The following LILRA2 variants were observed in gnomAD, a reference collection of about 807,000 sequenced individuals.
The protein encoded by LILRA2 is leukocyte immunoglobulin-like receptor subfamily A member 2.
LILRA2 carries 45 observed loss-of-function variants against 47.9 expected under a neutral mutation model. The observed-to-expected ratio is 0.94, with a 90% CI of 0.74 to 1.20. The LOEUF is 1.20. Among genes scored for constraint, LILRA2 ranks in the 50% most tolerant of loss-of-function variants. The pLI is 0.00. For missense variants in LILRA2, 651 were observed against 598.2 expected (o/e 1.09, Z -0.92); for synonymous variants, 279 against 249.2 (o/e 1.12, Z -1.13).
Position 54,587,518 on chromosome 19 carries a change from C to T in LILRA2, c.*172C>T. On this transcript the variant is annotated 3_prime_UTR_variant, in exon 8 of 8. Coordinates refer to ENST00000391738, the MANE Select transcript of LILRA2 (RefSeq NM_001130917.3). ...TGTAAGGAAACTGTCTGGGGTGATT[C>T]CTAGAAGATCATTAAACTGTGGTAC... 1.8e-6 allele frequency: 2 copies of T among 1,091,796 alleles called. No homozygotes were observed. Among genetic ancestry groups the T allele is most frequent in the East Asian group, 5.2e-5 (2 of 38,304 alleles). The allele number at this position is 1,091,796 out of a possible 1,614,324, so 67.6% of individuals were successfully genotyped here.
intron 6 of LILRA2, among the ~76,000 whole-genome samples, chr19:54,584,570 T>C (rs2062741647): frequency 6.6e-6 from 1 of 152,326 alleles, no homozygotes; most frequent in East Asian, 1.9e-4. Flanking sequence ...GAATCAGCTA[T>C]TGAAGCTTGT....
Position 54,587,531 on chromosome 19 carries a change from T to C in LILRA2, c.*185T>C. 1 of 1,013,808 alleles carries C rather than the reference T, an allele frequency of 9.9e-7. No individual in the cohort carries two copies. Among genetic ancestry groups the C allele is most frequent in the Non-Finnish European group, 1.4e-6 (1 of 715,444 alleles). 62.8% of individuals were successfully genotyped at this position (1,013,808 alleles called of 1,614,324 possible). Reference sequence around the variant, plus strand: ...TCTGGGGTGATTCCTAGAAGATCATTAAACTGTGGTACATTTTTTTGTCTA... The same window carrying C: ...TCTGGGGTGATTCCTAGAAGATCATCAAACTGTGGTACATTTTTTTGTCTA... On this transcript the variant is annotated 3_prime_UTR_variant, in exon 8 of 8. Transcript: ENST00000391738.
Position 54,587,278 on chromosome 19 carries a change from G to A in LILRA2, c.1384G>A (p.Val462Ile), listed in dbSNP as rs1385853064. ...GGGTGTGGCTGGCTTGGTCCTGGTG[G>A]TCCTCGGGATTCTGCTATTTGAGGC... Reference protein sequence around the residue: ...RMGVAGLVLVVLGILLFEAQH... With the variant: ...RMGVAGLVLVILGILLFEAQH... The change falls in exon 8 of 8, where the codon GTC (valine) becomes ATC (isoleucine). Residue 462 changes from valine (V) to isoleucine (I), a missense_variant. Coordinates refer to ENST00000391738, the MANE Select transcript of LILRA2 (RefSeq NM_001130917.3). 7 of 1,614,010 alleles carry A rather than the reference G, an allele frequency of 4.3e-6. No homozygotes were observed. The highest frequency in any genetic ancestry group is 2.2e-5 in the South Asian group (2 of 91,084).
Position 54,574,893 on chromosome 19 carries a change from C to A in LILRA2, c.515C>A (p.Ala172Asp). The change falls in exon 4 of 8, where the codon GCC (alanine) becomes GAC (aspartate). Residue 172 changes from alanine (A) to aspartate (D), a missense_variant. Transcript: ENST00000391738. Reference protein sequence around the residue: ...HPQRLNSHSHARGWSWAIFSV... With the variant: ...HPQRLNSHSHDRGWSWAIFSV... ...CAACGCCTGAACTCCCATTCCCATG[C>A]CCGTGGGTGGTCCTGGGCCATCTTC... The A allele has an allele frequency of 6.2e-7, 1 of 1,608,916 alleles. No individual in the cohort carries two copies.
chr19:54,587,339 G>T lies in LILRA2; in HGVS notation c.1445G>T (p.Gly482Val). The T allele has an allele frequency of 6.2e-7, 1 of 1,614,166 alleles. No homozygotes were observed. The highest frequency in any genetic ancestry group is 1.1e-5 in the South Asian group (1 of 91,086). Residue 482 changes from glycine (G) to valine (V), a missense_variant, in exon 8 of 8, where the codon GGG becomes GTG. Coordinates refer to ENST00000391738, the MANE Select transcript of LILRA2 (RefSeq NM_001130917.3). Reference sequence around the variant, plus strand: ...CAGAGAAGCCTACAAGATGCAGCCGGGAGGTGAACAGCAGAGAGGACAATG... The same window carrying T: ...CAGAGAAGCCTACAAGATGCAGCCGTGAGGTGAACAGCAGAGAGGACAATG... ...HSQRSLQDAA[G>V]R
intron 5 of LILRA2, 28 bp from the exon 6 acceptor site, chr19:54,575,779 G>A (rs774961494): frequency 3.1e-6 from 5 of 1,611,750 alleles, no homozygotes; most frequent in South Asian, 1.1e-5. Flanking sequence ...AGGTGGGGCA[G>A]CCCCTCACCC....
chr19:54,587,505 G>A lies in LILRA2; in HGVS notation c.*159G>A. ...ATCAATATTTGAGTGTAAGGAAACTGTCTGGGGTGATTCCTAGAAGATCAT... is the reference window on the plus strand; with the variant it reads ...ATCAATATTTGAGTGTAAGGAAACTATCTGGGGTGATTCCTAGAAGATCAT... On this transcript the variant is annotated 3_prime_UTR_variant, in exon 8 of 8. Transcript: ENST00000391738. The A allele has an allele frequency of 8.4e-7, 1 of 1,188,846 alleles. No homozygotes were observed. Among genetic ancestry groups the A allele is most frequent in the South Asian group, 1.6e-5 (1 of 62,118 alleles). The allele number at this position is 1,188,846 out of a possible 1,614,324, so 73.6% of individuals were successfully genotyped here. A position where few individuals can be genotyped will look rare whatever the true frequency, so the allele number is the denominator to read the frequency against.
Position 54,574,352 on chromosome 19 carries a change from A to G in LILRA2, c.122A>G (p.Gln41Arg). The G allele has an allele frequency of 6.2e-7, 1 of 1,613,988 alleles. No individual in the cohort carries two copies. Among genetic ancestry groups the G allele is most frequent in the Non-Finnish European group, 8.5e-7 (1 of 1,179,982 alleles). Residue 41 changes from glutamine (Q) to arginine (R), a missense_variant, in exon 3 of 8, where the codon CAG (glutamine) becomes CGG (arginine). Transcript: ENST00000391738. Reference protein sequence around the residue: ...LWAEPGSVIIQGSPVTLRCQG... With the variant: ...LWAEPGSVIIRGSPVTLRCQG... ...GCTGAGCCAGGCTCTGTGATCATCC[A>G]GGGAAGTCCTGTGACCCTCAGGTGT... is the stretch of plus-strand genomic sequence containing the variant.
chr19:54,574,004 C>A lies in LILRA2; in HGVS notation c.35-72C>A, dbSNP rs2062247230. The A allele has an allele frequency of 1.9e-6, 3 of 1,613,422 alleles. No individual in the cohort carries two copies. The South Asian group carries it at 3.3e-5, about 18-fold the overall frequency. On this transcript the variant is annotated intron_variant, in intron 1 of 7. Coordinates refer to ENST00000391738, the MANE Select transcript of LILRA2 (RefSeq NM_001130917.3). ...TCCCTAAGGAGACCCCAGGGGCTCA[C>A]AAAGATCCCAGGGAGGGGAGGACCT...
chr19:54,575,974 C>G lies in LILRA2; in HGVS notation c.1120C>G (p.Gln374Glu). The change falls in exon 6 of 8, where the codon CAG becomes GAG. Residue 374 changes from glutamine (Q) to glutamate (E), a missense_variant. Physicochemically the swap from Gln to Glu is conservative, Grantham distance 29. Coordinates refer to ENST00000391738, the MANE Select transcript of LILRA2 (RefSeq NM_001130917.3). ...GCATCTGAGATCAGAGCACCAAGCT[C>G]AGCAGAACCAGGCTGAATTCCGCAT... is the stretch of plus-strand genomic sequence containing the variant. The part of the protein sequence containing the change: ...PLHLRSEHQA[Q>E]QNQAEFRMGP... The G allele has an allele frequency of 1.2e-6, 2 of 1,614,004 alleles. No individual in the cohort carries two copies. Among genetic ancestry groups the G allele is most frequent in the South Asian group, 1.1e-5 (1 of 91,078 alleles).
At chr19:54,576,234 C>T in intron 6 of LILRA2, 125 bp downstream of exon 6, 1 of 1,208,878 alleles carries the variant, frequency 8.3e-7, no homozygotes, top group South Asian at 1.4e-5. Context: ...GAGGGTCCAG[C>T]CCATGGGAGA....
At chr19:54,575,680 G>A in intron 5 of LILRA2, 127 bp from the exon 6 acceptor site, 3 of 865,376 alleles carry the variant, frequency 3.5e-6, no homozygotes, top group Non-Finnish European at 3.4e-6. Context: ...AGAGACAGGG[G>A]ATGGGCGGGG....
At chr19:54,579,079 T>G (rs1013647196) in intron 6 of LILRA2, among the ~76,000 whole-genome samples, 1 of 152,174 alleles carries the variant, frequency 6.6e-6, no homozygotes, top group African/African-American at 2.4e-5. Context: ...TTCACTCTCA[T>G]GATAGTTTCT....
At position 54,574,380 on chromosome 19, in the gene LILRA2, G is replaced by A. The variant is rs541075305; in HGVS notation, c.150G>A (p.Gln50=). ...GAAGTCCTGTGACCCTCAGGTGTCA[G>A]GGGAGCCTTCAGGCTGAGGAGTACC... ...IQGSPVTLRC[Q]GSLQAEEYHL... The change falls in exon 3 of 8, where the codon CAG becomes CAA. Residue 50 remains glutamine, a synonymous_variant. Transcript: ENST00000391738. 4.3e-5 allele frequency: 69 copies of A among 1,614,234 alleles called. 1 individual carries two copies. The South Asian group carries it at 7.1e-4, about 17-fold the overall frequency.
At chr19:54,586,683 C>A (rs2062819356) in intron 6 of LILRA2, among the ~76,000 whole-genome samples, 1 of 152,160 alleles carries the variant, frequency 6.6e-6, no homozygotes, top group South Asian at 2.1e-4. Context: ...AGAGAGGACA[C>A]AGAGAGCACA....
rs941500716 is a variant in LILRA2 at position 54,577,218 on chromosome 19, T to C, written c.1255+1109T>C. ...CCCCTCTCTCGTGTACAAGAGAAAA[T>C]GTCTCCAATTTTCTACCAAAATCAA... On this transcript the variant is annotated intron_variant, in intron 6 of 7. Transcript: ENST00000391738. Among the ~76,000 whole-genome samples, 390 of 151,808 alleles carry C rather than the reference T, an allele frequency of 2.6e-3. No individual in the cohort carries two copies. In the South Asian group the frequency reaches 0.054, roughly 21 times the overall value.
upstream of LILRA2, chr19:54,573,571 A>G: frequency 2.9e-6 from 2 of 696,074 alleles, no homozygotes; most frequent in Non-Finnish European, 4.9e-6. Flanking sequence ...CACCAGTTCT[A>G]TTTGCTGCTA....
chr19:54,574,145 T>A (rs375187054), intron 2 of LILRA2, 34 bp downstream of exon 2: 14 of 1,614,136 alleles, frequency 8.7e-6, no homozygotes, highest in Admixed American at 1.7e-5. Flanking sequence ...AGGTCCCTCC[T>A]CCTCACTAGG....
At chr19:54,574,052 C>CTT (rs2062251806) in intron 1 of LILRA2, 24 bp from the exon 2 acceptor site, 3 of 1,111,256 alleles carry the variant, frequency 2.7e-6, no homozygotes, top group African/African-American at 3.6e-5. Flanking sequence ...GGGGAAAAAT[C>CTT]CCTCACAGGG....
Sources: allele counts gnomAD v4.1 joint callset (sites outside exome capture counted in the v4.1 genomes callset), GRCh38; gene constraint gnomAD v4.1.1; transcripts MANE v1.5; gene names NCBI Gene and HGNC (gene_info 2026-07-23, HGNC 2026-07-21).